The following SPATA16 variants were observed in gnomAD, a reference collection of about 807,000 sequenced individuals.
SPATA16 encodes spermatogenesis-associated protein 16.
SPATA16 carries 36 observed loss-of-function variants against 63.3 expected under a neutral mutation model. The ratio of observed to expected loss-of-function variants is 0.57; its 90% CI spans 0.44 to 0.75. The LOEUF (loss-of-function observed/expected upper bound fraction) is 0.75. Ranked by LOEUF, SPATA16 falls within the 30% of genes least tolerant of loss-of-function variation. The pLI is 0.00. For missense variants in SPATA16, 646 were observed against 679.3 expected (o/e 0.95, Z 0.54); for synonymous variants, 203 against 216.7 (o/e 0.94, Z 0.56).
At chr3:172,982,648 A>G (rs1734347835) in intron 4 of SPATA16, among the ~76,000 whole-genome samples, 1 of 152,214 alleles carries the variant, frequency 6.6e-6, no homozygotes, top group African/African-American at 2.4e-5. Context: ...ATAGAATGGC[A>G]AATGCACAAT....
At chr3:172,921,750 G>T (rs181687993) in intron 8 of SPATA16, among the ~76,000 whole-genome samples, 146 of 152,264 alleles carry the variant, frequency 9.6e-4, no homozygotes, top group African/African-American at 3.3e-3. Flanking sequence ...AGTGCTTCAA[G>T]AACATGGATT....
At chr3:173,045,091 A>G (rs926493856) in intron 3 of SPATA16, among the ~76,000 whole-genome samples, 2 of 152,130 alleles carry the variant, frequency 1.3e-5, no homozygotes, top group African/African-American at 4.8e-5. Context: ...CTTTCCTCAC[A>G]TGCATGGCTC....
At chr3:172,929,189 C>G (rs1178965200) in intron 6 of SPATA16, among the ~76,000 whole-genome samples, 1 of 151,738 alleles carries the variant, frequency 6.6e-6, no homozygotes. Flanking sequence ...ACAATTTATC[C>G]CAATTGGAGA....
intron 1 of SPATA16, among the ~76,000 whole-genome samples, chr3:173,121,019 C>G (rs937656115): frequency 9.0e-4 from 137 of 152,258 alleles, no homozygotes; most frequent in Middle Eastern, 3.4e-3. Flanking sequence ...AGCTTTCAGA[C>G]ATCTGAAAGA....
chr3:172,930,082 T>C (rs909146875), intron 6 of SPATA16, among the ~76,000 whole-genome samples: 3 of 152,254 alleles, frequency 2.0e-5, no homozygotes, highest in African/African-American at 7.2e-5. Context: ...ATTGCTATTA[T>C]CTTGGCCAAA....
intron 4 of SPATA16, among the ~76,000 whole-genome samples, chr3:172,996,677 T>C (rs943213091): frequency 1.3e-5 from 2 of 152,106 alleles, no homozygotes; most frequent in African/African-American, 4.8e-5. Flanking sequence ...ACAATTTACA[T>C]TATAGTTCAC....
At chr3:173,068,967 G>A (rs539631712) in intron 2 of SPATA16, among the ~76,000 whole-genome samples, 11 of 151,384 alleles carry the variant, frequency 7.3e-5, no homozygotes, top group South Asian at 4.2e-4. Context: ...AAAATTAGCC[G>A]GGCGTGGTGG....
intron 5 of SPATA16, among the ~76,000 whole-genome samples, chr3:172,974,947 C>T (rs1262558617): frequency 6.6e-6 from 1 of 152,060 alleles, no homozygotes; most frequent in African/African-American, 2.4e-5. Flanking sequence ...TACATCCAAT[C>T]AAGAAACAGG....
At chr3:173,030,527 A>G (rs1015708751) in intron 3 of SPATA16, among the ~76,000 whole-genome samples, 2 of 152,112 alleles carry the variant, frequency 1.3e-5, no homozygotes, top group Non-Finnish European at 2.9e-5. Context: ...CCACAATGAG[A>G]TACCATCTCA....
chr3:173,104,940 A>G (rs1737584366), intron 2 of SPATA16, among the ~76,000 whole-genome samples: 1 of 152,162 alleles, frequency 6.6e-6, no homozygotes, highest in African/African-American at 2.4e-5. Flanking sequence ...TTCCTTTTAA[A>G]GGAATTCTAT....
At chr3:173,138,362 T>C (rs1013720144) in intron 1 of SPATA16, among the ~76,000 whole-genome samples, 2 of 152,162 alleles carry the variant, frequency 1.3e-5, no homozygotes, top group Non-Finnish European at 1.5e-5. Context: ...ATCTTCCTAA[T>C]AAGTAACGAG....
chr3:172,928,360 C>T (rs1732788544), intron 6 of SPATA16, among the ~76,000 whole-genome samples: 1 of 152,202 alleles, frequency 6.6e-6, no homozygotes, highest in South Asian at 2.1e-4. Context: ...AGCTGATCAT[C>T]ACAGACACGC....
intron 4 of SPATA16, among the ~76,000 whole-genome samples, chr3:173,011,704 A>T (rs920479000): frequency 6.6e-6 from 1 of 152,262 alleles, no homozygotes; most frequent in African/African-American, 2.4e-5. Context: ...ATGCTAGAAG[A>T]CTACCAAAAG....
intron 4 of SPATA16, among the ~76,000 whole-genome samples, chr3:173,013,276 G>T (rs1262041835): frequency 6.6e-6 from 1 of 152,160 alleles, no homozygotes. Flanking sequence ...ATAGATGCTT[G>T]TGAGGCTGCA....
chr3:173,020,713 T>A (rs1019638065), intron 3 of SPATA16, among the ~76,000 whole-genome samples: 6 of 152,198 alleles, frequency 3.9e-5, no homozygotes, highest in African/African-American at 1.4e-4. Context: ...GTCAACTAGC[T>A]GGATGCAGTC....
chr3:173,008,074 GA>G (rs1577129277), intron 4 of SPATA16, among the ~76,000 whole-genome samples: 1 of 151,658 alleles, frequency 6.6e-6, no homozygotes, highest in East Asian at 1.9e-4. Context: ...TCAAATTTTC[GA>G]AAACGAAAGA....
intron 10 of SPATA16, among the ~76,000 whole-genome samples, chr3:172,893,820 T>C (rs773394743): frequency 6.6e-6 from 1 of 152,242 alleles, no homozygotes; most frequent in Non-Finnish European, 1.5e-5. Flanking sequence ...AGAAGGAAGA[T>C]GCTGGGCTTG....
chr3:172,961,069 T>TTCCTTCCTTCCTTC lies in SPATA16; in HGVS notation c.934-4246_934-4245insGAAGGAAGGAAGGA, dbSNP rs1560080334. 3.1e-3 allele frequency among the ~76,000 whole-genome samples: 223 copies of TTCCTTCCTTCCTTC among 72,386 alleles called. 11 individuals are homozygous for TTCCTTCCTTCCTTC. The highest frequency in any genetic ancestry group is 7.9e-3 in the South Asian group (14 of 1,772). 47.5% of individuals were successfully genotyped at this position (72,386 alleles called of 152,430 possible). On this transcript the variant is annotated intron_variant, in intron 5 of 10. Transcript: ENST00000351008. ...CTTTCTTCTTTCTTTCTTTCTTCTT[T>TTCCTTCCTTCCTTC]CTTCCTTCCTTCCTTCCTTCCTTCC...
intron 3 of SPATA16, among the ~76,000 whole-genome samples, chr3:173,043,734 C>T (rs1347120936): frequency 1.3e-5 from 2 of 151,906 alleles, no homozygotes. Flanking sequence ...TTACAAGTTT[C>T]AATCTATTGC....
Sources: gnomAD v4.1 joint callset for allele counts (sites outside exome capture counted in the v4.1 genomes callset) on GRCh38, gnomAD v4.1.1 for gene constraint, MANE v1.5 for transcripts, NCBI Gene and HGNC (gene_info 2026-07-23, HGNC 2026-07-21) for gene names.